Variants in SERPINA4 observed in about 807,000 individuals in gnomAD.
SERPINA4 encodes the protein serpin family A member 4, also known as kallistatin.
SERPINA4 carries 24 observed loss-of-function variants against 25.4 expected under a neutral mutation model. The ratio of observed to expected loss-of-function variants is 0.95; its 90% confidence interval spans 0.69 to 1.33. SERPINA4 has a LOEUF of 1.33. Ranked by LOEUF, SERPINA4 falls within the 40% of genes most tolerant of loss-of-function variation. The pLI, the probability that SERPINA4 is intolerant of heterozygous loss-of-function variation, is 0.00. For missense variants in SERPINA4, 553 were observed against 535.8 expected (o/e 1.03, Z -0.32); for synonymous variants, 242 against 223.6 (o/e 1.08, Z -0.73).
At chr14:94,564,234 C>T (rs1039575424) in intron 2 of SERPINA4, 103 bp downstream of exon 2, 2 of 1,250,692 alleles carry the variant, frequency 1.6e-6, no homozygotes, top group East Asian at 2.3e-5. Context: ...TAAGTAAAAA[C>T]GTTGTGTCTG....
chr14:94,561,941 G>A (rs930384008), intron 1 of SERPINA4: 23 of 1,241,760 alleles, frequency 1.9e-5, no homozygotes, highest in Middle Eastern at 2.7e-4. Flanking sequence ...CTTTCTGCAA[G>A]GGTCTAGGTC....
chr14:94,562,306 A>AGCCCT (rs1405368309), intron 1 of SERPINA4, among the ~76,000 whole-genome samples: 1 of 152,166 alleles, frequency 6.6e-6, no homozygotes, highest in Non-Finnish European at 1.5e-5. Flanking sequence ...AAGTTTTCTG[A>AGCCCT]GCCCTGGTTG....
rs186410900 is a variant in SERPINA4, at chr14:94,566,104, A to G, written c.650-866A>G. 1.2e-4 allele frequency among the ~76,000 whole-genome samples: 18 copies of G among 152,232 alleles called. No individual in the cohort carries two copies. In the East Asian group the frequency reaches 2.9e-3, roughly 25 times the overall value. The stretch of plus-strand genomic sequence containing the variant: ...CTCACACTGCAGCGATTCCATGGCC[A>G]TCATTGTGGTCACTTCCTTGCAAAC... On this transcript the variant is annotated intron_variant, in intron 2 of 4. Transcript: ENST00000557004.
chr14:94,569,006 G>C (rs1174639888), intron 4 of SERPINA4, among the ~76,000 whole-genome samples: 1 of 152,122 alleles, frequency 6.6e-6, no homozygotes, highest in Non-Finnish European at 1.5e-5. Context: ...GTGCACGAGG[G>C]GGTAGAGCCT....
rs760141101 is a variant in SERPINA4, at chr14:94,568,195, T to C, written c.990T>C (p.Asp330=). ...KFSISGSYVL[D]QILPRLGFTD... ...CCATTTCTGGCTCCTATGTATTAGA[T>C]CAGATTTTGCCCAGGCTGGGCTTCA... is the stretch of plus-strand genomic sequence containing the variant. Residue 330 remains aspartate (D), a synonymous_variant, in exon 4 of 5, where the codon GAT becomes GAC. Coordinates refer to ENST00000557004, the MANE Select transcript of SERPINA4 (RefSeq NM_006215.4). 9.3e-6 allele frequency: 15 copies of C among 1,614,230 alleles called. No individual in the cohort carries two copies. In the African/African-American group the frequency reaches 1.5e-4, roughly 16 times the overall value.
chr14:94,563,422 GTTC>G (rs756385673), intron 1 of SERPINA4, 41 bp from the exon 2 acceptor site: 8 of 1,552,158 alleles, frequency 5.2e-6, no homozygotes, highest in Non-Finnish European at 7.0e-6. Flanking sequence ...AGGGCCAGGT[GTTC>G]TTCTGGGGGA....
At chr14:94,566,914 A>G (rs1902230853) in intron 2 of SERPINA4, 56 bp from the exon 3 acceptor site, 1 of 1,548,024 alleles carries the variant, frequency 6.5e-7, no homozygotes, top group East Asian at 2.3e-5. Flanking sequence ...CCCTGGCTGG[A>G]GGACTAGCTC....
At position 94,561,450 on chromosome 14, in the gene SERPINA4, G is replaced by T. The variant is rs1431383556; in HGVS notation, c.-62G>T. 3 of 330,038 alleles carry T rather than the reference G, an allele frequency of 9.1e-6. No homozygotes were observed. The highest frequency in any genetic ancestry group is 1.8e-5 in the Non-Finnish European group (3 of 168,330). The allele number at this position is 330,038 out of a possible 1,614,324, so 20.4% of individuals were successfully genotyped here. A position where few individuals can be genotyped will look rare whatever the true frequency, so the allele number is the denominator to read the frequency against. The stretch of plus-strand genomic sequence containing the variant: ...GTCCTCCTGGGCTTGATAAGACAGA[G>T]CTGAGACAGCCACCCAGGGGGTCCA... On this transcript the variant is annotated 5_prime_UTR_variant, in exon 1 of 5. Transcript: ENST00000557004.
At chr14:94,568,108 C>A (rs760264105) in intron 3 of SERPINA4, 21 bp from the exon 4 acceptor site, 5 of 1,613,558 alleles carry the variant, frequency 3.1e-6, no homozygotes, top group African/African-American at 1.3e-5. Flanking sequence ...ATCTAATGTT[C>A]TAACTCAATG....
At chr14:94,562,602 C>T (rs977700651) in intron 1 of SERPINA4, among the ~76,000 whole-genome samples, 2 of 151,866 alleles carry the variant, frequency 1.3e-5, no homozygotes, top group East Asian at 1.9e-4. Context: ...GACCCTGTCT[C>T]AAACAAACAA....
intron 2 of SERPINA4, among the ~76,000 whole-genome samples, chr14:94,566,330 G>A (rs1240880745): frequency 3.9e-5 from 6 of 152,158 alleles, no homozygotes; most frequent in Non-Finnish European, 8.8e-5. Context: ...TCTCTACACT[G>A]TCCAGCAATC....
In SERPINA4 at chr14:94,564,083, C is replaced by T; in HGVS notation, c.601C>T (p.Leu201Phe). 6.2e-7 allele frequency: 1 copy of T among 1,604,562 alleles called. No individual in the cohort carries two copies. Among genetic ancestry groups the T allele is most frequent in the Non-Finnish European group, 8.5e-7 (1 of 1,179,988 alleles). Residue 201 changes from leucine (L) to phenylalanine (F), a missense_variant, in exon 2 of 5, where the codon CTC (leucine) becomes TTC (phenylalanine). By Grantham distance (22) the Leu-to-Phe change is conservative. Transcript: ENST00000557004. ...RGKIVDLVSE[L>F]KKDVLMVLVN... ...GAAGATTGTGGATTTGGTCAGTGAG[C>T]TCAAGAAGGACGTCTTGATGGTGCT... is the stretch of plus-strand genomic sequence containing the variant.
Position 94,569,456 on chromosome 14 carries a change from G to A in SERPINA4, c.1145G>A (p.Ser382Asn), listed in dbSNP as rs1405245184. 3.7e-6 allele frequency: 6 copies of A among 1,614,088 alleles called. No homozygotes were observed. Among genetic ancestry groups the A allele is most frequent in the East Asian group, 2.2e-5 (1 of 44,892 alleles). ...GGCACCGAGGCTGCAGCAGCCACCAGCTTCGCGATCAAATTCTTCTCTGCC... is the reference window on the plus strand; with the variant it reads ...GGCACCGAGGCTGCAGCAGCCACCAACTTCGCGATCAAATTCTTCTCTGCC... ...EAGTEAAAAT[S>N]FAIKFFSAQT... Residue 382 changes from serine to asparagine, a missense_variant, in exon 5 of 5, where the codon AGC becomes AAC. Coordinates refer to ENST00000557004, the MANE Select transcript of SERPINA4 (RefSeq NM_006215.4).
Position 94,563,897 on chromosome 14 carries a change from G to A in SERPINA4, c.415G>A (p.Val139Met), listed in dbSNP as rs539993882. 9.3e-6 allele frequency: 15 copies of A among 1,614,144 alleles called. No individual in the cohort carries two copies. Among genetic ancestry groups the A allele is most frequent in the African/African-American group, 1.3e-5 (1 of 75,028 alleles). ...NLPGHGLETR[V>M]GSALFLSHNL... The stretch of plus-strand genomic sequence containing the variant: ...CCCCGGCCATGGGCTGGAAACACGC[G>A]TGGGCAGTGCTCTGTTCCTGAGCCA... Residue 139 changes from valine to methionine, a missense_variant, in exon 2 of 5, where the codon GTG becomes ATG. By Grantham distance (21) the Val-to-Met change is conservative (BLOSUM62 1). Transcript: ENST00000557004.
At chr14:94,562,083 T>C (rs1355218873) in intron 1 of SERPINA4, among the ~76,000 whole-genome samples, 1 of 151,876 alleles carries the variant, frequency 6.6e-6, no homozygotes, top group Non-Finnish European at 1.5e-5. Flanking sequence ...CTATGAAAAA[T>C]CAATAGAAGA....
At chr14:94,563,445 G>T (rs971696551) in intron 1 of SERPINA4, 21 bp from the exon 2 acceptor site, 4 of 1,573,914 alleles carry the variant, frequency 2.5e-6, no homozygotes, top group Non-Finnish European at 1.7e-6. Flanking sequence ...AATTTCCTGG[G>T]CATTCTCTTC....
intron 4 of SERPINA4, among the ~76,000 whole-genome samples, chr14:94,568,557 T>C (rs907413861): frequency 1.3e-5 from 2 of 152,080 alleles, no homozygotes; most frequent in African/African-American, 4.8e-5. Context: ...AACGCAATGA[T>C]AGAAAATGGA....
intron 2 of SERPINA4, among the ~76,000 whole-genome samples, chr14:94,565,870 G>T (rs1902188781): frequency 6.6e-6 from 1 of 151,934 alleles, no homozygotes; most frequent in East Asian, 1.9e-4. Context: ...GTTTTGCTTT[G>T]AAATAACAAA....
In SERPINA4 at chr14:94,563,836, T is replaced by C. The variant is rs575149680; in HGVS notation, c.354T>C (p.His118=). ...CCGAGCTGTCTGAGTCCGATGTCCA[T>C]AGGGGCTTCCAGCACCTCCTGCACA... is the stretch of plus-strand genomic sequence containing the variant. ...NLTELSESDV[H]RGFQHLLHTL... Residue 118 remains histidine, a synonymous_variant, in exon 2 of 5, where the codon CAT becomes CAC. Coordinates refer to ENST00000557004, the MANE Select transcript of SERPINA4 (RefSeq NM_006215.4). 23 of 1,614,118 alleles carry C rather than the reference T, an allele frequency of 1.4e-5. No individual in the cohort carries two copies. Among genetic ancestry groups the C allele is most frequent in the African/African-American group, 5.3e-5 (4 of 75,022 alleles).
Sources: allele counts gnomAD v4.1 joint callset (sites outside exome capture counted in the v4.1 genomes callset), GRCh38; gene constraint gnomAD v4.1.1; transcripts MANE v1.5; gene names NCBI Gene and HGNC (gene_info 2026-07-23, HGNC 2026-07-21).